Variants in LAMC1 observed in about 807,000 individuals in gnomAD.
LAMC1 encodes the protein laminin subunit gamma-1.
A neutral mutation model predicts 173.6 loss-of-function variants in LAMC1; 38 were observed. The observed-to-expected ratio is 0.22, with a 90% CI of 0.17 to 0.29. The LOEUF (loss-of-function observed/expected upper bound fraction) is 0.29. Among genes scored for constraint, LAMC1 ranks in the 10% least tolerant of loss-of-function variants. The pLI is 1.00. For synonymous variants in LAMC1, 746 were observed against 749.1 expected (o/e 1.00, Z 0.07); for missense variants, 1,824 against 2,051.8 (o/e 0.89, Z 2.14).
intron 1 of LAMC1, among the ~76,000 whole-genome samples, chr1:183,076,762 G>A (rs190375911): frequency 1.1e-4 from 17 of 152,318 alleles, no homozygotes; most frequent in Admixed American, 9.8e-4. Flanking sequence ...ACTGTCTAAT[G>A]TTGTAGGTTT....
intron 1 of LAMC1, among the ~76,000 whole-genome samples, chr1:183,066,277 G>A (rs1035075266): frequency 2.0e-5 from 3 of 152,196 alleles, no homozygotes; most frequent in Admixed American, 2.0e-4. Flanking sequence ...GTTGGACGAA[G>A]GTTAACTGAG....
chr1:183,080,457 G>T (rs1655241666), intron 1 of LAMC1, among the ~76,000 whole-genome samples: 1 of 152,162 alleles, frequency 6.6e-6, no homozygotes, highest in Non-Finnish European at 1.5e-5. Flanking sequence ...GTGGGGCAGG[G>T]TGAGGTAGTG....
At chr1:183,075,486 T>C (rs1341256809) in intron 1 of LAMC1, among the ~76,000 whole-genome samples, 3 of 152,206 alleles carry the variant, frequency 2.0e-5, no homozygotes. Flanking sequence ...CTCTAAACTT[T>C]GATTAAGCAT....
intron 1 of LAMC1, among the ~76,000 whole-genome samples, chr1:183,054,611 T>G (rs1336021087): frequency 6.6e-6 from 1 of 151,984 alleles, no homozygotes; most frequent in Non-Finnish European, 1.5e-5. Flanking sequence ...TTGCTTAGGG[T>G]TTCAAGATTA....
chr1:183,136,963 T>TC (rs904306360), intron 25 of LAMC1, among the ~76,000 whole-genome samples: 1 of 152,124 alleles, frequency 6.6e-6, no homozygotes, highest in Non-Finnish European at 1.5e-5. Context: ...AACTTTCAAG[T>TC]CCCCCTTTCA....
intron 1 of LAMC1, among the ~76,000 whole-genome samples, chr1:183,058,552 A>G (rs1036820418): frequency 4.1e-5 from 6 of 145,914 alleles, no homozygotes; most frequent in African/African-American, 1.6e-4. Flanking sequence ...AACACATCTT[A>G]AAGGATTCAG....
rs1383921039 is a variant in LAMC1, at chr1:183,144,627, AC to A, written c.*1838del. On this transcript the variant is annotated 3_prime_UTR_variant, in exon 28 of 28. Transcript: ENST00000258341. ...GGTTTTACAATGTTCCAGAGCAGGA[AC>A]GCCAGGTTGACAAGCTATGGTAGGA... 2.0e-5 allele frequency: 3 copies of A among 152,270 alleles called. No homozygotes were observed. The highest frequency in any genetic ancestry group is 1.3e-4 in the Admixed American group (2 of 15,284). The allele number at this position is 152,270 out of a possible 1,614,324, so 9.4% of individuals were successfully genotyped here. A position where few individuals can be genotyped will look rare whatever the true frequency, so the allele number is the denominator to read the frequency against.
At chr1:183,114,750 A>G (rs189178226) in intron 5 of LAMC1, 31 bp downstream of exon 5, 221 of 1,600,982 alleles carry the variant, frequency 1.4e-4, no homozygotes, top group Non-Finnish European at 4.2e-5. Context: ...TTGAAAGACA[A>G]AATGATAGTT....
intron 26 of LAMC1, among the ~76,000 whole-genome samples, chr1:183,138,828 T>C (rs1657024658): frequency 6.6e-6 from 1 of 151,986 alleles, no homozygotes; most frequent in Admixed American, 6.6e-5. Flanking sequence ...CCGAGGTGGG[T>C]GGATCGCCTG....
At chr1:183,065,944 G>T (rs1437456698) in intron 1 of LAMC1, among the ~76,000 whole-genome samples, 1 of 152,088 alleles carries the variant, frequency 6.6e-6, no homozygotes, top group Non-Finnish European at 1.5e-5. Context: ...ATAAAATAAG[G>T]TATTACTTTA....
chr1:183,131,109 G>T (rs1409807727), intron 19 of LAMC1, among the ~76,000 whole-genome samples, 190 bp from the exon 20 acceptor site: 1 of 150,642 alleles, frequency 6.6e-6, no homozygotes, highest in East Asian at 1.9e-4. Context: ...AGGAAGCAGA[G>T]GTTGCGGTGA....
chr1:183,028,055 A>G (rs1653735988), intron 1 of LAMC1, among the ~76,000 whole-genome samples: 2 of 151,992 alleles, frequency 1.3e-5, no homozygotes, highest in South Asian at 2.1e-4. Context: ...TTCCTGTTCT[A>G]CAGTTCACTG....
At chr1:183,126,064 A>C in intron 15 of LAMC1, 56 bp from the exon 16 acceptor site, 1 of 1,529,438 alleles carries the variant, frequency 6.5e-7, no homozygotes, top group Non-Finnish European at 8.8e-7. Context: ...AAAAAAAAAA[A>C]GTTGTGCTTA....
intron 5 of LAMC1, 56 bp downstream of exon 5, chr1:183,114,775 A>G (rs1656273775): frequency 5.8e-6 from 9 of 1,546,496 alleles, no homozygotes; most frequent in Non-Finnish European, 7.1e-6. Context: ...GGACCCCCGG[A>G]AAGGAAAGCT....
At chr1:183,028,494 T>A (rs1246726565) in intron 1 of LAMC1, among the ~76,000 whole-genome samples, 3 of 152,204 alleles carry the variant, frequency 2.0e-5, no homozygotes, top group African/African-American at 7.2e-5. Context: ...GGCCTCCAGT[T>A]TATCACTGAT....
At chr1:183,047,125 TC>T (rs1369297929) in intron 1 of LAMC1, among the ~76,000 whole-genome samples, 2 of 152,168 alleles carry the variant, frequency 1.3e-5, no homozygotes, top group African/African-American at 4.8e-5. Context: ...CAGATATTAT[TC>T]ACCTTTTTGG....
intron 25 of LAMC1, 151 bp downstream of exon 25, chr1:183,136,736 T>G (rs2102111759): frequency 3.1e-6 from 2 of 643,106 alleles, no homozygotes; most frequent in East Asian, 5.6e-5. Context: ...TTTTTTCTTT[T>G]GACTAGGCAT....
intron 1 of LAMC1, among the ~76,000 whole-genome samples, chr1:183,081,072 A>G (rs528747486): frequency 4.6e-5 from 7 of 151,794 alleles, no homozygotes; most frequent in Non-Finnish European, 4.4e-5. Context: ...TATTCTTAGT[A>G]GAGATGGGAT....
At chr1:183,073,495 A>G (rs778262731) in intron 1 of LAMC1, among the ~76,000 whole-genome samples, 21 of 152,218 alleles carry the variant, frequency 1.4e-4, no homozygotes, top group Non-Finnish European at 2.6e-4. Flanking sequence ...AAAAGCTTTT[A>G]TCATCTGTGT....
Sources: gnomAD v4.1 joint callset for allele counts (sites outside exome capture counted in the v4.1 genomes callset) on GRCh38, gnomAD v4.1.1 for gene constraint, MANE v1.5 for transcripts, NCBI Gene and HGNC (gene_info 2026-07-23, HGNC 2026-07-21) for gene names.